TMEM175: variants seen among roughly 807,000 people sequenced by gnomAD.
The protein encoded by TMEM175 is transmembrane protein 175, also known as endosomal/lysosomal proton channel TMEM175.
Under a neutral mutation model 36.5 loss-of-function variants are expected in TMEM175, and 36 were observed. The ratio of observed to expected loss-of-function variants is 0.99; its 90% CI spans 0.76 to 1.30. TMEM175 has a LOEUF of 1.30. TMEM175 is among the 50% of genes most tolerant of loss of function. The probability of loss-of-function intolerance (pLI) is 0.00; values close to 1 mark genes in which losing one functional copy is unlikely to be tolerated. For missense variants in TMEM175, 705 were observed against 692.8 expected (o/e 1.02, Z -0.20); for synonymous variants, 339 against 313.4 (o/e 1.08, Z -0.86).
intron 10 of TMEM175, 84 bp from the exon 11 acceptor site, chr4:957,740 G>T: frequency 7.2e-7 from 1 of 1,384,298 alleles, no homozygotes; most frequent in South Asian, 1.4e-5. Flanking sequence ...GATCCAGGCA[G>T]CCCTGACAGG....
chr4:943,748 T>G (rs960079115), intron 1 of TMEM175, among the ~76,000 whole-genome samples: 4 of 152,224 alleles, frequency 2.6e-5, no homozygotes, highest in Admixed American at 6.5e-5. Flanking sequence ...CATGAAAACA[T>G]GTTTACACAA....
chr4:935,369 T>C (rs922001452), intron 1 of TMEM175, among the ~76,000 whole-genome samples: 2 of 152,220 alleles, frequency 1.3e-5, no homozygotes, highest in Admixed American at 6.5e-5. Flanking sequence ...ACTGAAGTTA[T>C]AGTCTTAATC....
At position 958,588 on chromosome 4, in the gene TMEM175, G is replaced by A. The variant is rs564247268; in HGVS notation, c.*92G>A. The stretch of plus-strand genomic sequence containing the variant: ...GGGGAAGCCAAGTCACGGGCAGGCC[G>A]CAGTGGTTCTTGCGTGGCCTGGTTT... On this transcript the variant is annotated 3_prime_UTR_variant, in exon 11 of 11. Transcript: ENST00000264771. 58 of 1,085,176 alleles carry A rather than the reference G, an allele frequency of 5.3e-5. No homozygotes were observed. Among genetic ancestry groups the A allele is most frequent in the African/African-American group, 4.5e-4 (28 of 62,880 alleles). The allele number at this position is 1,085,176 out of a possible 1,614,324, so 67.2% of individuals were successfully genotyped here.
rs577872312 is a variant in TMEM175 at position 956,162 on chromosome 4, A to G, written c.842+272A>G. 2.0e-5 allele frequency: 14 copies of G among 699,362 alleles called. 1 individual carries two copies. In the South Asian group the frequency reaches 2.5e-4, roughly 13 times the overall value. The allele number at this position is 699,362 out of a possible 1,614,324, so 43.3% of individuals were successfully genotyped here. A position where few individuals can be genotyped will look rare whatever the true frequency, so the allele number is the denominator to read the frequency against. On this transcript the variant is annotated intron_variant, in intron 10 of 10. Transcript: ENST00000264771. Reference sequence around the variant, plus strand: ...GTGCCAGGGTGAGGTCAGCACCAGCAGCCAACTGCTCTCCTCACTCCTCTC... The same window carrying G: ...GTGCCAGGGTGAGGTCAGCACCAGCGGCCAACTGCTCTCCTCACTCCTCTC...
intron 4 of TMEM175, 126 bp downstream of exon 4, chr4:950,644 T>TGGGGA (rs771873724): frequency 5.6e-6 from 4 of 715,240 alleles, no homozygotes; most frequent in African/African-American, 3.7e-5. Context: ...CTCATCCGCG[T>TGGGGA]GGGGATGGCA....
chr4:956,839 G>T (rs558914912), intron 10 of TMEM175: 3 of 232,686 alleles, frequency 1.3e-5, no homozygotes, highest in Non-Finnish European at 2.6e-5. Flanking sequence ...CTTGGGGTTA[G>T]ACACTATGGT....
intron 1 of TMEM175, among the ~76,000 whole-genome samples, chr4:941,008 A>AATAATAATG (rs1459011389): frequency 8.7e-4 from 1 of 1,150 alleles, no homozygotes; most frequent in Non-Finnish European, 1.7e-3. Context: ...TCCGTCTCAA[A>AATAATAATG]ATAATAATAA....
chr4:937,189 T>A (rs1275081835), intron 1 of TMEM175, among the ~76,000 whole-genome samples: 3 of 152,184 alleles, frequency 2.0e-5, no homozygotes, highest in African/African-American at 4.8e-5. Context: ...GTAAATTTTT[T>A]AAGAAGGGAA....
intron 3 of TMEM175, chr4:948,683 C>A: frequency 8.3e-7 from 1 of 1,205,666 alleles, no homozygotes; most frequent in Non-Finnish European, 1.1e-6. Flanking sequence ...AGCCAAACAG[C>A]ATCTTAGAAG....
Position 950,439 on chromosome 4 carries a change from C to G in TMEM175, c.211C>G (p.Gln71Glu). 2 of 1,613,782 alleles carry G rather than the reference C, an allele frequency of 1.2e-6. No homozygotes were observed. The highest frequency in any genetic ancestry group is 1.7e-6 in the Non-Finnish European group (2 of 1,179,690). The change falls in exon 4 of 11, where the codon CAG becomes GAG. Residue 71 changes from glutamine to glutamate, a missense_variant. Gln to Glu is a conservative substitution (Grantham distance 29). Coordinates refer to ENST00000264771, the MANE Select transcript of TMEM175 (RefSeq NM_032326.4). ...ATTCCAGCAGTTCGACAGAAGTGTA[C>G]AGAGGCTTCTGGCAACACGGATTGC... ...SPEQQFDRSVQRLLATRIAVY... is the reference protein window; with the variant it reads ...SPEQQFDRSVERLLATRIAVY...
chr4:950,437 T>TCG lies in TMEM175; in HGVS notation c.209_210insCG (p.Gln71AspfsTer13). 1 of 1,613,888 alleles carries TCG rather than the reference T, an allele frequency of 6.2e-7. No homozygotes were observed. The highest frequency in any genetic ancestry group is 8.5e-7 in the Non-Finnish European group (1 of 1,179,810). On this transcript the variant is annotated frameshift_variant, in exon 4 of 11. Transcript: ENST00000264771. LOFTEE classifies it high-confidence loss of function. ...GTATTCCAGCAGTTCGACAGAAGTG[T>TCG]ACAGAGGCTTCTGGCAACACGGATT...
chr4:955,312 C>T (rs971255500), intron 8 of TMEM175, 93 bp from the exon 9 acceptor site: 39 of 961,224 alleles, frequency 4.1e-5, no homozygotes, highest in Middle Eastern at 4.2e-4. Flanking sequence ...TCCCTTCTGC[C>T]GCAGCCCCTG....
chr4:946,695 G>A (rs1728180048), intron 1 of TMEM175, among the ~76,000 whole-genome samples: 1 of 152,150 alleles, frequency 6.6e-6, no homozygotes, highest in Non-Finnish European at 1.5e-5. Context: ...GTGCTGTGCT[G>A]AGCCACAGCT....
chr4:950,664 C>A (rs2153002141), intron 4 of TMEM175, 146 bp downstream of exon 4: 1 of 490,618 alleles, frequency 2.0e-6, no homozygotes. Flanking sequence ...AGGACTTACC[C>A]CAAACCCAGG....
At chr4:941,241 T>A (rs1727445039) in intron 1 of TMEM175, among the ~76,000 whole-genome samples, 1 of 150,198 alleles carries the variant, frequency 6.7e-6, no homozygotes, top group Admixed American at 6.6e-5. Flanking sequence ...CTGGGTGTTA[T>A]GGCAGGCACC....
chr4:947,247 G>C lies in TMEM175; in HGVS notation c.-31-462G>C, dbSNP rs528198767. 5.1e-5 allele frequency among the ~76,000 whole-genome samples: 7 copies of C among 138,130 alleles called. No homozygotes were observed. The East Asian group carries it at 1.4e-3, about 27-fold the overall frequency. The allele number at this position is 138,130 out of a possible 152,430, so 90.6% of individuals were successfully genotyped here. ...CCAGGCACGTGTGCACGGGCCCCGA[G>C]AGCGAGAGCGGGGGAGAGCGCGGCC... On this transcript the variant is annotated intron_variant, in intron 1 of 10. Transcript: ENST00000264771.
intron 3 of TMEM175, 120 bp downstream of exon 3, chr4:948,274 A>AGAGGCGG (rs1728441500): frequency 6.3e-7 from 1 of 1,597,206 alleles, no homozygotes; most frequent in Non-Finnish European, 8.5e-7. Flanking sequence ...CTTAGGAGGC[A>AGAGGCGG]GAGGCGGGAG....
At chr4:936,531 A>G (rs1189778898) in intron 1 of TMEM175, among the ~76,000 whole-genome samples, 1 of 152,182 alleles carries the variant, frequency 6.6e-6, no homozygotes, top group Non-Finnish European at 1.5e-5. Flanking sequence ...AATATCAGGA[A>G]TGAGAAATGA....
chr4:946,730 A>G (rs906650420), intron 1 of TMEM175, among the ~76,000 whole-genome samples: 46 of 152,328 alleles, frequency 3.0e-4, no homozygotes, highest in African/African-American at 1.1e-3. Context: ...GTGTGCACCC[A>G]GCCCCGGCTC....
Sources: allele counts gnomAD v4.1 joint callset (sites outside exome capture counted in the v4.1 genomes callset), GRCh38; gene constraint gnomAD v4.1.1; transcripts MANE v1.5; gene names NCBI Gene and HGNC (gene_info 2026-07-23, HGNC 2026-07-21).